Variants in TLK2 observed in about 807,000 individuals in gnomAD.
TLK2 encodes the protein tousled like kinase 2.
A neutral mutation model predicts 117.3 loss-of-function variants in TLK2; 6 were observed. That is an observed-to-expected ratio of 0.05 (90% confidence interval 0.03 to 0.10). TLK2 has a LOEUF of 0.10. TLK2 is among the 10% of genes least tolerant of loss of function. TLK2 has a pLI of 1.00. For missense variants in TLK2, 299 were observed against 901.2 expected (o/e 0.33, Z 8.56); for synonymous variants, 257 against 316.7 (o/e 0.81, Z 2.00).
At chr17:62,530,015 C>T (rs1174892380) in intron 6 of TLK2, among the ~76,000 whole-genome samples, 2 of 152,032 alleles carry the variant, frequency 1.3e-5, no homozygotes, top group Non-Finnish European at 2.9e-5. Context: ...CCAGCCTAAG[C>T]AATATAGTGA....
At chr17:62,590,337 G>GC (rs1311618675) in intron 16 of TLK2, among the ~76,000 whole-genome samples, 1 of 151,980 alleles carries the variant, frequency 6.6e-6, no homozygotes, top group East Asian at 2.0e-4. Context: ...TGCTCAGGAA[G>GC]CCGAGGAAGG....
intron 10 of TLK2, among the ~76,000 whole-genome samples, chr17:62,563,118 T>TA (rs946913131): frequency 1.3e-5 from 2 of 152,002 alleles, no homozygotes; most frequent in Admixed American, 6.6e-5. Flanking sequence ...TACTCAGTAA[T>TA]AAAAAAAGAA....
chr17:62,576,581 C>T, intron 12 of TLK2, 128 bp from the exon 13 acceptor site: 1 of 710,844 alleles, frequency 1.4e-6, no homozygotes, highest in Middle Eastern at 3.9e-4. Flanking sequence ...TACAAGATAA[C>T]CCATCTTTCA....
At chr17:62,494,709 G>A (rs372339908) in intron 2 of TLK2, among the ~76,000 whole-genome samples, 1 of 152,162 alleles carries the variant, frequency 6.6e-6, no homozygotes, top group South Asian at 2.1e-4. Flanking sequence ...TGGCCCAGAT[G>A]CATTGTATAG....
In TLK2 at chr17:62,478,870, G is replaced by T. The variant is rs189547543; in HGVS notation, c.-426G>T. ...CGATCCGGATTAAGGGGCCGGAGGC[G>T]GGTCCTGGGCACCAGCGGTTCCGAC... is the stretch of plus-strand genomic sequence containing the variant. On this transcript the variant is annotated 5_prime_UTR_variant, in exon 1 of 22. Coordinates refer to ENST00000346027, the MANE Select transcript of TLK2 (RefSeq NM_006852.6). Among the ~76,000 whole-genome samples, 1 of 126,084 alleles carries T rather than the reference G, an allele frequency of 7.9e-6. No homozygotes were observed. The highest frequency in any genetic ancestry group is 1.7e-5 in the Non-Finnish European group (1 of 58,116). The allele number at this position is 126,084 out of a possible 152,430, so 82.7% of individuals were successfully genotyped here. A position where few individuals can be genotyped will look rare whatever the true frequency, so the allele number is the denominator to read the frequency against.
chr17:62,615,207 G>A lies in TLK2; in HGVS notation c.*2642G>A, dbSNP rs1478536042. 1 of 152,136 alleles carries A rather than the reference G, an allele frequency of 6.6e-6. No individual in the cohort carries two copies. Among genetic ancestry groups the A allele is most frequent in the Non-Finnish European group, 1.5e-5 (1 of 68,022 alleles). The allele number at this position is 152,136 out of a possible 1,614,324, so 9.4% of individuals were successfully genotyped here. ...CGGGCAAGACCTTCTTCCGAGGCATGGACAAGCCCCAGAGAACATGCAGAA... is the reference window on the plus strand; with the variant it reads ...CGGGCAAGACCTTCTTCCGAGGCATAGACAAGCCCCAGAGAACATGCAGAA... On this transcript the variant is annotated 3_prime_UTR_variant, in exon 22 of 22. Coordinates refer to ENST00000346027, the MANE Select transcript of TLK2 (RefSeq NM_006852.6).
chr17:62,535,820 T>G (rs184357556), intron 6 of TLK2, among the ~76,000 whole-genome samples: 1 of 151,910 alleles, frequency 6.6e-6, no homozygotes, highest in East Asian at 1.9e-4. Context: ...CATGGGACAA[T>G]GTCTTAATTT....
chr17:62,529,243 A>T (rs1365399762), intron 6 of TLK2, among the ~76,000 whole-genome samples: 2 of 151,646 alleles, frequency 1.3e-5, no homozygotes. Context: ...TTTTAATTTT[A>T]ATTTTTATTT....
intron 18 of TLK2, among the ~76,000 whole-genome samples, chr17:62,601,253 G>A (rs925595898): frequency 2.0e-5 from 3 of 152,062 alleles, no homozygotes; most frequent in Admixed American, 6.6e-5. Flanking sequence ...TTTTTGTATG[G>A]TTATTATCTA....
At chr17:62,606,017 A>AC (rs1484764738) in intron 19 of TLK2, 113 bp from the exon 20 acceptor site, 4 of 465,344 alleles carry the variant, frequency 8.6e-6, no homozygotes, top group African/African-American at 8.0e-5. Flanking sequence ...AAAAAAAAAA[A>AC]AAAAAAAAAC....
chr17:62,608,954 C>T (rs1435492993), intron 21 of TLK2, among the ~76,000 whole-genome samples: 1 of 152,218 alleles, frequency 6.6e-6, no homozygotes, highest in Non-Finnish European at 1.5e-5. Flanking sequence ...AGTAGCCAGC[C>T]TACTTTTTCC....
At chr17:62,605,844 AT>A (rs753589988) in intron 19 of TLK2, among the ~76,000 whole-genome samples, 1 of 151,438 alleles carries the variant, frequency 6.6e-6, no homozygotes, top group Non-Finnish European at 1.5e-5. Context: ...ACTGCTACAA[AT>A]TTTTTTTAAA....
chr17:62,549,340 A>G (rs1358308213), intron 7 of TLK2, among the ~76,000 whole-genome samples: 1 of 134,700 alleles, frequency 7.4e-6, no homozygotes, highest in Non-Finnish European at 1.6e-5. Context: ...CAGAGCTTGC[A>G]GTGAGACGAG....
Position 62,511,457 on chromosome 17 carries a change from G to A in TLK2, c.82-9316G>A, listed in dbSNP as rs550011530. On this transcript the variant is annotated intron_variant, in intron 2 of 21. Transcript: ENST00000346027. ...GCAATCTTAGCTCACTGCAGCCTCT[G>A]CCTCCTGGGTTCAAGTGATCCTCCC... Among the ~76,000 whole-genome samples the A allele has an allele frequency of 5.3e-5, 8 of 152,268 alleles. No homozygotes were observed. In the South Asian group the frequency reaches 1.7e-3, roughly 32 times the overall value.
At chr17:62,506,063 C>T (rs62076074) in intron 2 of TLK2, among the ~76,000 whole-genome samples, 4,738 of 152,230 alleles carry the variant, frequency 0.031, 107 homozygotes, top group Middle Eastern at 0.058. Context: ...TGGGCCTGTA[C>T]CTTGGAAATA....
At chr17:62,496,767 A>G (rs950113573) in intron 2 of TLK2, among the ~76,000 whole-genome samples, 4 of 152,078 alleles carry the variant, frequency 2.6e-5, no homozygotes, top group African/African-American at 9.7e-5. Flanking sequence ...CATCCTGGCT[A>G]ACATAGTGAA....
chr17:62,607,873 A>G (rs929831386), intron 20 of TLK2, among the ~76,000 whole-genome samples, 168 bp from the exon 21 acceptor site: 3 of 151,892 alleles, frequency 2.0e-5, no homozygotes, highest in African/African-American at 7.3e-5. Flanking sequence ...TGAGCTCTCA[A>G]CCCCTTTTAT....
chr17:62,594,825 CA>C (rs2082343791), intron 16 of TLK2, among the ~76,000 whole-genome samples: 2 of 131,336 alleles, frequency 1.5e-5, no homozygotes, highest in Non-Finnish European at 3.6e-5. Flanking sequence ...CACACACACA[CA>C]CACACCCCAT....
At chr17:62,539,358 C>T (rs367900535) in intron 7 of TLK2, among the ~76,000 whole-genome samples, 2 of 152,162 alleles carry the variant, frequency 1.3e-5, no homozygotes, top group Admixed American at 6.5e-5. Flanking sequence ...CGGTCTTTCA[C>T]TCGGCTTCCA....
Sources: gnomAD v4.1 joint callset for allele counts (sites outside exome capture counted in the v4.1 genomes callset) on GRCh38, gnomAD v4.1.1 for gene constraint, MANE v1.5 for transcripts, NCBI Gene and HGNC (gene_info 2026-07-23, HGNC 2026-07-21) for gene names.